PAFAH2: variants seen among roughly 807,000 people sequenced by gnomAD.
PAFAH2 encodes the protein platelet activating factor acetylhydrolase 2.
In PAFAH2, 42 loss-of-function variants were observed where a neutral mutation model predicts 49.0. The observed-to-expected ratio is 0.86, with a 90% confidence interval of 0.67 to 1.11. The LOEUF (loss-of-function observed/expected upper bound fraction) is 1.11. PAFAH2 is among the 50% of genes least tolerant of loss of function. The probability of loss-of-function intolerance (pLI) is 0.00; values close to 1 mark genes in which losing one functional copy is unlikely to be tolerated. For missense variants in PAFAH2, 503 were observed against 501.8 expected (o/e 1.00, Z -0.02); for synonymous variants, 184 against 181.3 (o/e 1.01, Z -0.12).
intron 10 of PAFAH2, among the ~76,000 whole-genome samples, chr1:25,963,663 C>A (rs1036236229): frequency 2.0e-5 from 3 of 152,160 alleles, no homozygotes; most frequent in African/African-American, 7.2e-5. Flanking sequence ...ACCACCACAC[C>A]CAGCTAATTT....
At chr1:25,985,276 C>T (rs1009129601) in intron 4 of PAFAH2, among the ~76,000 whole-genome samples, 1 of 152,180 alleles carries the variant, frequency 6.6e-6, no homozygotes, top group Non-Finnish European at 1.5e-5. Context: ...CCTCAGAGGG[C>T]TATGTGGGAA....
chr1:25,984,174 A>G, intron 5 of PAFAH2, 87 bp from the exon 6 acceptor site: 2 of 1,509,034 alleles, frequency 1.3e-6, no homozygotes, highest in Non-Finnish European at 1.8e-6. Context: ...TTCATCCAGG[A>G]GGCTCTAGAT....
In PAFAH2 at chr1:25,972,813, C is replaced by T. The variant is rs915802963; in HGVS notation, c.930-101G>A. On this transcript the variant is annotated intron_variant, in intron 9 of 10. Transcript: ENST00000374282. Reference sequence around the variant, plus strand: ...GCAAGGTGCTTTTCATGTATTATCACACTTTATTTTCACAGCAACCTTGTA... The same window carrying T: ...GCAAGGTGCTTTTCATGTATTATCATACTTTATTTTCACAGCAACCTTGTA... 11 of 1,185,348 alleles carry T rather than the reference C, an allele frequency of 9.3e-6. 1 individual carries two copies. The East Asian group carries it at 1.2e-4, about 13-fold the overall frequency. 73.4% of individuals were successfully genotyped at this position (1,185,348 alleles called of 1,614,324 possible). A position where few individuals can be genotyped will look rare whatever the true frequency, so the allele number is the denominator to read the frequency against.
intron 1 of PAFAH2, among the ~76,000 whole-genome samples, chr1:25,996,780 TATACGTAAAATGG>T (rs1194986925): frequency 2.6e-5 from 4 of 152,220 alleles, no homozygotes; most frequent in African/African-American, 9.6e-5. Flanking sequence ...TCAAGTTCCT[TATACGTAAAATGG>T]ATACTTCGTA....
chr1:25,990,845 C>G lies in PAFAH2; in HGVS notation c.-29G>C, dbSNP rs2049861918. The G allele has an allele frequency of 6.3e-7, 1 of 1,592,854 alleles. No homozygotes were observed. Among genetic ancestry groups the G allele is most frequent in the Non-Finnish European group, 8.6e-7 (1 of 1,161,110 alleles). ...ATCACCGGGTGAATCAAATGACTTG[C>G]CGGAGCTGAACTTGCTGGCTGGATG... On this transcript the variant is annotated 5_prime_UTR_variant, in exon 2 of 11. Coordinates refer to ENST00000374282, the MANE Select transcript of PAFAH2 (RefSeq NM_000437.4).
At chr1:25,990,891 C>T (rs527316715) in intron 1 of PAFAH2, 28 bp from the exon 2 acceptor site, 35 of 1,216,168 alleles carry the variant, frequency 2.9e-5, no homozygotes, top group African/African-American at 2.1e-4. Flanking sequence ...GAACAGCAGC[C>T]GCTTGCTGGT....
intron 1 of PAFAH2, among the ~76,000 whole-genome samples, chr1:25,996,998 C>A (rs983708579): frequency 1.3e-5 from 2 of 152,230 alleles, no homozygotes; most frequent in Non-Finnish European, 2.9e-5. Context: ...GTCTACTGAA[C>A]AGGCCCAGAG....
chr1:25,962,231 G>A (rs377703347), intron 10 of PAFAH2, 148 bp from the exon 11 acceptor site: 9 of 585,516 alleles, frequency 1.5e-5, no homozygotes, highest in African/African-American at 1.1e-4. Flanking sequence ...TGGTGGTGGC[G>A]GTAACGATAA....
rs35480896 is a variant in PAFAH2, at chr1:25,994,142, C to CTT, written c.-47-3281_-47-3280dup. 2.9e-3 allele frequency among the ~76,000 whole-genome samples: 397 copies of CTT among 135,244 alleles called. 4 individuals are homozygous for CTT. The highest frequency in any genetic ancestry group is 0.011 in the South Asian group (45 of 4,236). The allele number at this position is 135,244 out of a possible 152,430, so 88.7% of individuals were successfully genotyped here. On this transcript the variant is annotated intron_variant, in intron 1 of 10. Coordinates refer to ENST00000374282, the MANE Select transcript of PAFAH2 (RefSeq NM_000437.4). ...GAGGCCCAGCTCATTTGGTGCCTAGCTTTTTTTTTTTTTTTTTGAGACAGG... is the reference window on the plus strand; with the variant it reads ...GAGGCCCAGCTCATTTGGTGCCTAGCTTTTTTTTTTTTTTTTTTTGAGACAGG...
chr1:25,989,586 G>A lies in PAFAH2; in HGVS notation c.106C>T (p.Leu36Phe). 1 of 1,586,278 alleles carries A rather than the reference G, an allele frequency of 6.3e-7. No homozygotes were observed. Among genetic ancestry groups the A allele is most frequent in the Middle Eastern group, 1.7e-4 (1 of 5,974 alleles). Reference protein sequence around the residue: ...GQNLQGSFFRLFYPCQKAEET... With the variant: ...GQNLQGSFFRFFYPCQKAEET... ...TCTGCCTTTTGGCAGGGGTAGAAGAGTCGAAAGAAGCTCCCCTGTAGGAAA... is the reference window on the plus strand; with the variant it reads ...TCTGCCTTTTGGCAGGGGTAGAAGAATCGAAAGAAGCTCCCCTGTAGGAAA... Residue 36 changes from leucine (L) to phenylalanine (F), a missense_variant, in exon 3 of 11, where the codon CTC becomes TTC. Coordinates refer to ENST00000374282, the MANE Select transcript of PAFAH2 (RefSeq NM_000437.4).
In PAFAH2 at chr1:25,962,180, G is replaced by A. The variant is rs1012140498; in HGVS notation, c.1085-97C>T. 2.2e-5 allele frequency: 21 copies of A among 934,042 alleles called. No individual in the cohort carries two copies. In the African/African-American group the frequency reaches 3.1e-4, roughly 14 times the overall value. The allele number at this position is 934,042 out of a possible 1,614,324, so 57.9% of individuals were successfully genotyped here. On this transcript the variant is annotated intron_variant, in intron 10 of 10. Transcript: ENST00000374282. ...TGAAGGGGTCATCCTAGAGAGAGGA[G>A]CGCCTGGGATACCAAAAGGACTGGT...
intron 7 of PAFAH2, among the ~76,000 whole-genome samples, chr1:25,977,345 C>A (rs1228077756): frequency 1.3e-5 from 2 of 149,120 alleles, no homozygotes; most frequent in African/African-American, 4.9e-5. Flanking sequence ...TGGACCAGGG[C>A]AGACATTCAA....
At chr1:25,965,059 C>A (rs541200758) in intron 10 of PAFAH2, among the ~76,000 whole-genome samples, 1 of 152,200 alleles carries the variant, frequency 6.6e-6, no homozygotes, top group African/African-American at 2.4e-5. Flanking sequence ...TGTATAAACA[C>A]AGAAAAATAG....
intron 1 of PAFAH2, among the ~76,000 whole-genome samples, chr1:25,996,099 T>C (rs1054699003): frequency 1.3e-5 from 2 of 152,058 alleles, no homozygotes; most frequent in African/African-American, 4.8e-5. Flanking sequence ...CTCATGCCTA[T>C]AATCCCAGAA....
At chr1:25,968,011 C>A (rs537820137) in intron 10 of PAFAH2, among the ~76,000 whole-genome samples, 12 of 151,914 alleles carry the variant, frequency 7.9e-5, no homozygotes, top group African/African-American at 2.9e-4. Flanking sequence ...ACTAAAAATG[C>A]AAAAATTAGC....
Sources: allele counts gnomAD v4.1 joint callset (sites outside exome capture counted in the v4.1 genomes callset), GRCh38; gene constraint gnomAD v4.1.1; transcripts MANE v1.5; gene names NCBI Gene and HGNC (gene_info 2026-07-23, HGNC 2026-07-21).